SLC1A2: variants seen among roughly 807,000 people sequenced by gnomAD.
SLC1A2 encodes the protein excitatory amino acid transporter 2.
A neutral mutation model predicts 48.8 loss-of-function variants in SLC1A2; 15 were observed. The ratio of observed to expected loss-of-function variants is 0.31; its 90% CI spans 0.21 to 0.47. SLC1A2 has a LOEUF of 0.47. SLC1A2 is among the 20% of genes least tolerant of loss of function. The pLI is 0.99. For missense variants in SLC1A2, 502 were observed against 730.5 expected (o/e 0.69, Z 3.61); for synonymous variants, 279 against 272.6 (o/e 1.02, Z -0.23).
chr11:35,331,316 G>A (rs2134984772), intron 1 of SLC1A2, among the ~76,000 whole-genome samples: 3 of 152,284 alleles, frequency 2.0e-5, no homozygotes, highest in Admixed American at 2.0e-4. Context: ...AGCCTTTCAA[G>A]GCCTCCCAGA....
chr11:35,260,889 T>C lies in SLC1A2; in HGVS notation c.*5A>G, dbSNP rs1194340324. 2.5e-6 allele frequency: 4 copies of C among 1,604,386 alleles called. No homozygotes were observed. The highest frequency in any genetic ancestry group is 3.3e-5 in the Admixed American group (2 of 60,020). On this transcript the variant is annotated 3_prime_UTR_variant, in exon 11 of 11. Coordinates refer to ENST00000278379, the MANE Select transcript of SLC1A2 (RefSeq NM_004171.4). ...TTATTCAAGAATTTGCTGAGACTCA[T>C]ATCCTTATTTCTCACGTTTCCAAGG...
intron 1 of SLC1A2, among the ~76,000 whole-genome samples, chr11:35,362,575 G>A (rs1320511443): frequency 6.6e-6 from 1 of 152,214 alleles, no homozygotes; most frequent in Non-Finnish European, 1.5e-5. Flanking sequence ...GGACTGTAGT[G>A]AAAATTAATT....
intron 1 of SLC1A2, among the ~76,000 whole-genome samples, chr11:35,378,146 C>G (rs745367003): frequency 1.6e-4 from 24 of 152,220 alleles, no homozygotes; most frequent in Non-Finnish European, 3.1e-4. Context: ...TCCCAAAAGC[C>G]CTTCCACAGT....
At chr11:35,297,406 C>T (rs1485069787) in intron 6 of SLC1A2, among the ~76,000 whole-genome samples, 3 of 152,130 alleles carry the variant, frequency 2.0e-5, no homozygotes, top group African/African-American at 4.8e-5. Flanking sequence ...AATCTCTCTC[C>T]CCCACTCCAA....
At chr11:35,395,810 A>G (rs966399931) in intron 1 of SLC1A2, among the ~76,000 whole-genome samples, 1 of 125,182 alleles carries the variant, frequency 8.0e-6, no homozygotes. Flanking sequence ...ATATCTCCCA[A>G]TGCTATCCCT....
chr11:35,360,940 A>G (rs927723750), intron 1 of SLC1A2, among the ~76,000 whole-genome samples: 11 of 151,900 alleles, frequency 7.2e-5, no homozygotes, highest in African/African-American at 2.4e-4. Flanking sequence ...CAGTGGTGCA[A>G]TCTCGGCCCA....
intron 1 of SLC1A2, among the ~76,000 whole-genome samples, chr11:35,408,093 C>G (rs1008826849): frequency 6.6e-6 from 1 of 152,172 alleles, no homozygotes; most frequent in Admixed American, 6.5e-5. Context: ...TACCTCGCCC[C>G]CATTTGCTTA....
At chr11:35,287,632 A>T (rs1850869639) in intron 7 of SLC1A2, among the ~76,000 whole-genome samples, 1 of 152,126 alleles carries the variant, frequency 6.6e-6, no homozygotes, top group Non-Finnish European at 1.5e-5. Flanking sequence ...CAAATCAAAG[A>T]CTAAATATGA....
At chr11:35,316,376 T>G (rs946741306) in intron 2 of SLC1A2, 1 of 152,236 alleles carries the variant, frequency 6.6e-6, no homozygotes, top group Non-Finnish European at 1.5e-5. Context: ...AGCCTGATTT[T>G]TTTTCTTCTG....
intron 9 of SLC1A2, among the ~76,000 whole-genome samples, chr11:35,274,350 G>A (rs1476798240): frequency 6.6e-6 from 1 of 152,228 alleles, no homozygotes; most frequent in Non-Finnish European, 1.5e-5. Flanking sequence ...TTTGGTGAGA[G>A]AGGAAAGGAC....
chr11:35,282,635 C>T (rs1160343544), intron 8 of SLC1A2, among the ~76,000 whole-genome samples: 1 of 152,126 alleles, frequency 6.6e-6, no homozygotes, highest in East Asian at 1.9e-4. Context: ...CAACTGTTTC[C>T]CAAACAGACA....
At chr11:35,329,396 T>C (rs2134976088) in intron 1 of SLC1A2, among the ~76,000 whole-genome samples, 1 of 152,296 alleles carries the variant, frequency 6.6e-6, no homozygotes, top group East Asian at 1.9e-4. Flanking sequence ...TGTAAGTTCA[T>C]CGCTTGTGAT....
At chr11:35,336,306 T>G (rs1310503992) in intron 1 of SLC1A2, among the ~76,000 whole-genome samples, 1 of 152,108 alleles carries the variant, frequency 6.6e-6, no homozygotes, top group Admixed American at 6.5e-5. Flanking sequence ...ATCCTGCACA[T>G]GTACCCCACA....
chr11:35,287,075 ATGC>A lies in SLC1A2; in HGVS notation c.1092-127_1092-125del. ...TTTTGTGTCAATCAAGCAATGTGAC[ATGC>A]AAAAAAGCAGTATCTGGAGCCAGAT... On this transcript the variant is annotated intron_variant, in intron 7 of 10. Coordinates refer to ENST00000278379, the MANE Select transcript of SLC1A2 (RefSeq NM_004171.4). The A allele has an allele frequency of 5.2e-6, 4 of 762,274 alleles. No individual in the cohort carries two copies. The Admixed American group carries it at 7.6e-5, about 15-fold the overall frequency. 47.2% of individuals were successfully genotyped at this position (762,274 alleles called of 1,614,324 possible).
rs1409492634 is a variant in SLC1A2, at chr11:35,252,637, G to A, written c.*8257C>T. On this transcript the variant is annotated 3_prime_UTR_variant, in exon 11 of 11. Coordinates refer to ENST00000278379, the MANE Select transcript of SLC1A2 (RefSeq NM_004171.4). Reference sequence around the variant, plus strand: ...ATTCTTCACTCATATATATTCCCAAGCCACACTGAGAAAGAGGAGAAATGA... The same window carrying A: ...ATTCTTCACTCATATATATTCCCAAACCACACTGAGAAAGAGGAGAAATGA... The A allele has an allele frequency of 6.6e-6, 1 of 152,100 alleles. No homozygotes were observed. The highest frequency in any genetic ancestry group is 1.5e-5 in the Non-Finnish European group (1 of 68,034). The allele number at this position is 152,100 out of a possible 1,614,324, so 9.4% of individuals were successfully genotyped here. A position where few individuals can be genotyped will look rare whatever the true frequency, so the allele number is the denominator to read the frequency against.
At chr11:35,318,461 C>T (rs992026760) in intron 1 of SLC1A2, among the ~76,000 whole-genome samples, 2 of 152,208 alleles carry the variant, frequency 1.3e-5, no homozygotes, top group African/African-American at 4.8e-5. Context: ...ATAAGCCTTT[C>T]ACACCTAGAA....
intron 1 of SLC1A2, among the ~76,000 whole-genome samples, chr11:35,413,306 C>A (rs890329175): frequency 6.6e-6 from 1 of 152,180 alleles, no homozygotes; most frequent in Non-Finnish European, 1.5e-5. Context: ...AGCCAGGATG[C>A]TTGGTTTGAA....
rs1950332592 is a variant in SLC1A2, at chr11:35,257,758, A to AATGAT, written c.*3131_*3135dup. The AATGAT allele has an allele frequency of 6.6e-6, 1 of 152,208 alleles. No homozygotes were observed. The highest frequency in any genetic ancestry group is 1.5e-5 in the Non-Finnish European group (1 of 68,036). The allele number at this position is 152,208 out of a possible 1,614,324, so 9.4% of individuals were successfully genotyped here. ...GTCTACTTAGTTGGTTTTCTCCTGA[A>AATGAT]ATGATTCTGATTCCTAAAAAACATG... On this transcript the variant is annotated 3_prime_UTR_variant, in exon 11 of 11. Coordinates refer to ENST00000278379, the MANE Select transcript of SLC1A2 (RefSeq NM_004171.4).
intron 2 of SLC1A2, chr11:35,315,412 A>C: frequency 2.6e-6 from 1 of 379,142 alleles, no homozygotes; most frequent in Non-Finnish European, 5.0e-6. Context: ...AGGAGAACTC[A>C]AGGCTTTATG....
Sources: allele counts gnomAD v4.1 joint callset (sites outside exome capture counted in the v4.1 genomes callset), GRCh38; gene constraint gnomAD v4.1.1; transcripts MANE v1.5; gene names NCBI Gene and HGNC (gene_info 2026-07-23, HGNC 2026-07-21).